HDAC2: variants seen among roughly 807,000 people sequenced by gnomAD.
The protein encoded by HDAC2 is YY1-associated factor 1.
HDAC2 carries 5 observed loss-of-function variants against 68.5 expected under a neutral mutation model. The ratio of observed to expected loss-of-function variants is 0.07; its 90% confidence interval spans 0.04 to 0.15. The LOEUF is 0.15. HDAC2 is among the 10% of genes least tolerant of loss of function. The probability of loss-of-function intolerance (pLI) is 1.00; values close to 1 mark genes in which losing one functional copy is unlikely to be tolerated. For synonymous variants in HDAC2, 182 were observed against 191.3 expected (o/e 0.95, Z 0.40); for missense variants, 291 against 600.8 (o/e 0.48, Z 5.39).
At chr6:113,943,529 T>C (rs1276865257) in intron 11 of HDAC2, 23 bp from the exon 12 acceptor site, 1 of 1,567,294 alleles carries the variant, frequency 6.4e-7, no homozygotes, top group African/African-American at 1.4e-5. Context: ...TTTTAATAAA[T>C]TTTGACAAAA....
chr6:113,942,013 T>A (rs1428730570), intron 12 of HDAC2, among the ~76,000 whole-genome samples: 1 of 151,892 alleles, frequency 6.6e-6, no homozygotes, highest in Non-Finnish European at 1.5e-5. Context: ...CCTATAGATT[T>A]AAAAAAAGCT....
chr6:113,940,890 C>T lies in HDAC2; in HGVS notation c.*168G>A, dbSNP rs1776114818. 1.2e-5 allele frequency: 6 copies of T among 485,584 alleles called. No homozygotes were observed. The South Asian group carries it at 2.0e-4, about 16-fold the overall frequency. The allele number at this position is 485,584 out of a possible 1,614,324, so 30.1% of individuals were successfully genotyped here. A position where few individuals can be genotyped will look rare whatever the true frequency, so the allele number is the denominator to read the frequency against. On this transcript the variant is annotated 3_prime_UTR_variant, in exon 14 of 14. Coordinates refer to ENST00000519065, the MANE Select transcript of HDAC2 (RefSeq NM_001527.4). ...AAATTTTGCTTCATAATTAGAAAAA[C>T]TCACAATAAAACTTGCCAAGAAAAA...
At chr6:113,941,817 T>C in intron 12 of HDAC2, 52 bp from the exon 13 acceptor site, 1 of 549,956 alleles carries the variant, frequency 1.8e-6, no homozygotes, top group Non-Finnish European at 3.0e-6. Flanking sequence ...ATATAAAATG[T>C]ATATATATTA....
chr6:113,943,463 T>C lies in HDAC2; in HGVS notation c.1266A>G (p.Ser422=), dbSNP rs781214400. The change falls in exon 12 of 14, where the codon TCA becomes TCG. Residue 422 remains serine (S), a synonymous_variant. Transcript: ENST00000519065. The part of the protein sequence containing the change: ...DKRIACDEEF[S]DSEDEGEGGR... ...CTCCTTCTCCTTCATCCTCAGAATC[T>C]GAGAATTCTTCATCACAAGCTATCC... 1 of 1,609,458 alleles carries C rather than the reference T, an allele frequency of 6.2e-7. No individual in the cohort carries two copies. The highest frequency in any genetic ancestry group is 8.5e-7 in the Non-Finnish European group (1 of 1,179,246).
chr6:113,954,612 C>A (rs568042650), intron 5 of HDAC2, among the ~76,000 whole-genome samples: 1 of 152,190 alleles, frequency 6.6e-6, no homozygotes, highest in Non-Finnish European at 1.5e-5. Context: ...CATCAACAGT[C>A]AATTAAAAAA....
intron 1 of HDAC2, among the ~76,000 whole-genome samples, chr6:113,963,267 A>G (rs959915637): frequency 2.0e-5 from 3 of 151,886 alleles, no homozygotes; most frequent in South Asian, 4.2e-4. Context: ...TATTTTTAGT[A>G]GTGACGGGGT....
chr6:113,934,648 A>C lies in HDAC2; in HGVS notation c.*6410T>G, dbSNP rs1775963833. 1 of 152,214 alleles carries C rather than the reference A, an allele frequency of 6.6e-6. No homozygotes were observed. Among genetic ancestry groups the C allele is most frequent in the Admixed American group, 6.5e-5 (1 of 15,278 alleles). The allele number at this position is 152,214 out of a possible 1,614,324, so 9.4% of individuals were successfully genotyped here. A position where few individuals can be genotyped will look rare whatever the true frequency, so the allele number is the denominator to read the frequency against. The stretch of plus-strand genomic sequence containing the variant: ...ATAGATTTACAGAATTTTCTGCCTA[A>C]CTCTAGAAATAGGATGGCAGAAGAG... On this transcript the variant is annotated 3_prime_UTR_variant, in exon 14 of 14. Coordinates refer to ENST00000519065, the MANE Select transcript of HDAC2 (RefSeq NM_001527.4).
chr6:113,960,002 A>G lies in HDAC2; in HGVS notation c.69T>C (p.Tyr23=). ...TCATGGGATGACCCTGTCCATAATA[A>G]TAATTTCCAATATCACCTAAAATAG... ...CYYYDGDIGN[Y]YYGQGHPMKP... The change falls in exon 2 of 14, where the codon TAT becomes TAC. Residue 23 remains tyrosine, a synonymous_variant. Coordinates refer to ENST00000519065, the MANE Select transcript of HDAC2 (RefSeq NM_001527.4). The G allele has an allele frequency of 1.3e-6, 2 of 1,506,126 alleles. No individual in the cohort carries two copies. The highest frequency in any genetic ancestry group is 1.1e-5 in the South Asian group (1 of 88,808). 93.3% of individuals were successfully genotyped at this position (1,506,126 alleles called of 1,614,324 possible).
At position 113,971,054 on chromosome 6, in the gene HDAC2, A is replaced by T. The variant is rs763148587; in HGVS notation, c.-146T>A. 4.3e-5 allele frequency: 67 copies of T among 1,562,930 alleles called. No homozygotes were observed. The highest frequency in any genetic ancestry group is 5.1e-5 in the Non-Finnish European group (59 of 1,153,016). On this transcript the variant is annotated 5_prime_UTR_variant, in exon 1 of 14. Coordinates refer to ENST00000519065, the MANE Select transcript of HDAC2 (RefSeq NM_001527.4). ...CGGGGAAGGGCAGGCCGGTGGGAGG[A>T]GAGGAGGGGGCGCCGGGAAGGCTCG...
intron 1 of HDAC2, among the ~76,000 whole-genome samples, chr6:113,965,137 T>G (rs1776782411): frequency 6.6e-6 from 1 of 152,212 alleles, no homozygotes; most frequent in African/African-American, 2.4e-5. Flanking sequence ...AAAGTCAAAT[T>G]TCTTACTACA....
intron 8 of HDAC2, 151 bp downstream of exon 8, chr6:113,948,828 G>T (rs1010783672): frequency 1.5e-6 from 1 of 683,446 alleles, no homozygotes; most frequent in South Asian, 2.3e-5. Flanking sequence ...AATAACTCTA[G>T]TCATACATAC....
intron 1 of HDAC2, 96 bp downstream of exon 1, chr6:113,970,761 T>C (rs1776979232): frequency 7.0e-7 from 1 of 1,429,708 alleles, no homozygotes; most frequent in Non-Finnish European, 9.1e-7. Context: ...CCCTCCTCCT[T>C]CCCACCCCTC....
rs1376883748 is a variant in HDAC2, at chr6:113,970,977, G to A, written c.-69C>T. 6 of 1,566,754 alleles carry A rather than the reference G, an allele frequency of 3.8e-6. No individual in the cohort carries two copies. The highest frequency in any genetic ancestry group is 2.7e-5 in the African/African-American group (2 of 73,940). ...CTGCTGCTGCTGCTGCTGCCGCCGCGGCTCGGCCGGGAGAGAAAAGGGCTG... is the reference window on the plus strand; with the variant it reads ...CTGCTGCTGCTGCTGCTGCCGCCGCAGCTCGGCCGGGAGAGAAAAGGGCTG... On this transcript the variant is annotated 5_prime_UTR_variant, in exon 1 of 14. Coordinates refer to ENST00000519065, the MANE Select transcript of HDAC2 (RefSeq NM_001527.4).
chr6:113,944,090 A>G (rs1776211642), intron 11 of HDAC2, among the ~76,000 whole-genome samples, 190 bp downstream of exon 11: 1 of 152,220 alleles, frequency 6.6e-6, no homozygotes, highest in Non-Finnish European at 1.5e-5. Flanking sequence ...ATCCAGCCAT[A>G]CAAACTGAAA....
At chr6:113,945,757 A>G (rs2114592844) in intron 9 of HDAC2, among the ~76,000 whole-genome samples, 1 of 152,336 alleles carries the variant, frequency 6.6e-6, no homozygotes. Flanking sequence ...GAAATATTCA[A>G]CGTTTTATTT....
intron 6 of HDAC2, among the ~76,000 whole-genome samples, chr6:113,950,450 G>A (rs954503847): frequency 2.0e-5 from 3 of 150,648 alleles, no homozygotes; most frequent in African/African-American, 7.3e-5. Context: ...GCATGATCTC[G>A]GCTCACTGCA....
At chr6:113,956,231 T>G in intron 4 of HDAC2, 80 bp from the exon 5 acceptor site, 1 of 1,155,448 alleles carries the variant, frequency 8.7e-7, no homozygotes, top group Non-Finnish European at 1.2e-6. Flanking sequence ...ACTACAAGTG[T>G]ATGCCATGCA....
At chr6:113,962,540 G>A (rs1039283583) in intron 1 of HDAC2, 20 of 154,246 alleles carry the variant, frequency 1.3e-4, no homozygotes, top group Admixed American at 2.0e-4. Flanking sequence ...AATCGTATAC[G>A]AATACGCATA....
chr6:113,941,303 T>C (rs1776127552), intron 13 of HDAC2, among the ~76,000 whole-genome samples: 1 of 152,102 alleles, frequency 6.6e-6, no homozygotes. Flanking sequence ...AAATTATGTG[T>C]GCCCAAACAT....
Sources: allele counts gnomAD v4.1 joint callset (sites outside exome capture counted in the v4.1 genomes callset), GRCh38; gene constraint gnomAD v4.1.1; transcripts MANE v1.5; gene names NCBI Gene and HGNC (gene_info 2026-07-23, HGNC 2026-07-21).